Variants in AK8 observed in about 807,000 individuals in gnomAD.
AK8 encodes the protein ATP-AMP transphosphorylase 8.
Under a neutral mutation model 54.6 loss-of-function variants are expected in AK8, and 44 were observed. The ratio of observed to expected loss-of-function variants is 0.81; its 90% CI spans 0.63 to 1.04. The LOEUF (loss-of-function observed/expected upper bound fraction) is 1.04. Among genes scored for constraint, AK8 ranks in the 50% least tolerant of loss-of-function variants. AK8 has a pLI of 0.00. For missense variants in AK8, 555 were observed against 613.6 expected (o/e 0.90, Z 1.01); for synonymous variants, 239 against 245.6 (o/e 0.97, Z 0.25).
intron 5 of AK8, among the ~76,000 whole-genome samples, chr9:132,845,163 G>A (rs755637876): frequency 3.3e-5 from 5 of 152,214 alleles, no homozygotes; most frequent in African/African-American, 7.2e-5. Flanking sequence ...GCAATGTCAT[G>A]TAGCAGATAA....
intron 2 of AK8, among the ~76,000 whole-genome samples, chr9:132,873,467 T>A (rs11243922): frequency 0.16 from 25,010 of 152,252 alleles, 2,345 homozygotes; most frequent in East Asian, 0.36. Context: ...AGGACTGTGC[T>A]GCACTGCACT....
intron 11 of AK8, among the ~76,000 whole-genome samples, chr9:132,744,527 A>T (rs920330661): frequency 2.0e-5 from 3 of 152,166 alleles, no homozygotes; most frequent in Admixed American, 2.0e-4. Context: ...GATAGCAGAA[A>T]TCTCCCATTT....
rs142312962 is a variant in AK8 at position 132,842,125 on chromosome 9, C to G, written c.402+12732G>C. Among the ~76,000 whole-genome samples, 699 of 152,294 alleles carry G rather than the reference C, an allele frequency of 4.6e-3. 6 individuals are homozygous for G. Among genetic ancestry groups the G allele is most frequent in the African/African-American group, 0.015 (630 of 41,556 alleles). ...GCTAGCACACTGGCCAAAACAATCT[C>G]CCCAAAGAAGCCTGAAGACAAGTAT... On this transcript the variant is annotated intron_variant, in intron 5 of 12. Transcript: ENST00000298545.
At chr9:132,840,771 C>T (rs958320483) in intron 5 of AK8, among the ~76,000 whole-genome samples, 2 of 152,012 alleles carry the variant, frequency 1.3e-5, no homozygotes, top group African/African-American at 4.8e-5. Context: ...CACACGCCTG[C>T]AATCCCAGCT....
At position 132,854,753 on chromosome 9, in the gene AK8, C is replaced by A. The variant is rs998602905; in HGVS notation, c.402+104G>T. ...ACGGAGTTCCCGTTTGCCTGCCTTA[C>A]CTTCTCTTATGCCTCTGGTCATCTC... On this transcript the variant is annotated intron_variant, in intron 5 of 12. Coordinates refer to ENST00000298545, the MANE Select transcript of AK8 (RefSeq NM_152572.3). 2.3e-6 allele frequency: 3 copies of A among 1,302,538 alleles called. No homozygotes were observed. In the East Asian group the frequency reaches 7.2e-5, roughly 31 times the overall value. The allele number at this position is 1,302,538 out of a possible 1,614,324, so 80.7% of individuals were successfully genotyped here.
chr9:132,739,895 T>C (rs557994483), intron 11 of AK8, among the ~76,000 whole-genome samples: 2 of 152,308 alleles, frequency 1.3e-5, no homozygotes, highest in South Asian at 2.1e-4. Context: ...TGTTATAAAG[T>C]AGTGGCAGAA....
At chr9:132,787,808 C>T (rs1330160902) in intron 11 of AK8, among the ~76,000 whole-genome samples, 1 of 152,078 alleles carries the variant, frequency 6.6e-6, no homozygotes, top group Non-Finnish European at 1.5e-5. Context: ...CAGTCCACTG[C>T]TTTTAAATCA....
intron 11 of AK8, among the ~76,000 whole-genome samples, chr9:132,773,382 C>T (rs563149050): frequency 6.6e-6 from 1 of 152,188 alleles, no homozygotes; most frequent in Non-Finnish European, 1.5e-5. Flanking sequence ...AAACACACCA[C>T]CCTGTCCTCT....
At chr9:132,878,577 G>A (rs1436527452), upstream of AK8, 1 of 1,122,132 alleles carries the variant, frequency 8.9e-7, no homozygotes, top group Non-Finnish European at 1.1e-6. This position sits in a 1 kb window ranked among gnomAD's most constrained non-coding sequence, Gnocchi z 4.7. Flanking sequence ...GCCCTCCGAG[G>A]GGACGGGAGG....
chr9:132,784,876 T>A (rs1191494492), intron 11 of AK8, among the ~76,000 whole-genome samples: 3 of 152,180 alleles, frequency 2.0e-5, no homozygotes, highest in African/African-American at 7.2e-5. Context: ...GAAATCTTAA[T>A]CCAGTTTTAA....
chr9:132,732,203 A>T (rs773507149), intron 11 of AK8, among the ~76,000 whole-genome samples: 73 of 152,186 alleles, frequency 4.8e-4, no homozygotes, highest in Non-Finnish European at 9.0e-4. Flanking sequence ...TAAATAATTA[A>T]ACAATGTTTT....
At chr9:132,878,455 C>G (rs1465339293), upstream of AK8, 1 of 1,224,096 alleles carries the variant, frequency 8.2e-7, no homozygotes, top group Non-Finnish European at 1.0e-6. This position sits in a 1 kb window ranked among gnomAD's most constrained non-coding sequence, Gnocchi z 4.7. Flanking sequence ...TTTCCCCAAC[C>G]CCGGCCTCGC....
chr9:132,808,621 T>G (rs1588153768), intron 10 of AK8, among the ~76,000 whole-genome samples: 1 of 151,230 alleles, frequency 6.6e-6, no homozygotes, highest in African/African-American at 2.4e-5. Flanking sequence ...AGGCCTGGAG[T>G]GGGGATAAGA....
At chr9:132,736,465 G>C (rs1377535644) in intron 11 of AK8, among the ~76,000 whole-genome samples, 1 of 151,114 alleles carries the variant, frequency 6.6e-6, no homozygotes, top group African/African-American at 2.4e-5. Flanking sequence ...TGGGGTTACA[G>C]GCGTGAGCCA....
At chr9:132,738,980 C>T (rs1373230232) in intron 11 of AK8, among the ~76,000 whole-genome samples, 1 of 151,454 alleles carries the variant, frequency 6.6e-6, no homozygotes, top group African/African-American at 2.4e-5. Flanking sequence ...GTCTTGAATT[C>T]CTGGGCTGAA....
intron 11 of AK8, among the ~76,000 whole-genome samples, chr9:132,772,784 G>A (rs754215090): frequency 9.2e-5 from 14 of 152,028 alleles, no homozygotes; most frequent in Non-Finnish European, 1.8e-4. Flanking sequence ...TCTCTGCAAC[G>A]CCTCTCTCTC....
rs891979177 is a variant in AK8, at chr9:132,781,149, T to C, written c.1121+11485A>G. On this transcript the variant is annotated intron_variant, in intron 11 of 12. Coordinates refer to ENST00000298545, the MANE Select transcript of AK8 (RefSeq NM_152572.3). This position sits in a 1 kb window ranked among gnomAD's most constrained non-coding sequence, Gnocchi z 4.6. ...TTTCTGGATGCAGCCATGAACATAGTTCTTTCTTTGTTTCTTTCTTTCTTT... is the reference window on the plus strand; with the variant it reads ...TTTCTGGATGCAGCCATGAACATAGCTCTTTCTTTGTTTCTTTCTTTCTTT... Among the ~76,000 whole-genome samples, 5 of 150,626 alleles carry C rather than the reference T, an allele frequency of 3.3e-5. No individual in the cohort carries two copies. Among genetic ancestry groups the C allele is most frequent in the Non-Finnish European group, 6.0e-5 (4 of 67,042 alleles).
intron 11 of AK8, among the ~76,000 whole-genome samples, chr9:132,774,880 C>T (rs919314773): frequency 2.0e-5 from 3 of 152,274 alleles, no homozygotes; most frequent in South Asian, 4.1e-4. Context: ...GAACTGTTAC[C>T]GGTTGAGTAC....
chr9:132,754,802 T>G (rs1056010014), intron 11 of AK8, among the ~76,000 whole-genome samples: 2 of 148,802 alleles, frequency 1.3e-5, no homozygotes, highest in Admixed American at 6.7e-5. Context: ...GTTTTTTGGT[T>G]TTTTTTTTTT....
Sources: allele counts gnomAD v4.1 joint callset (sites outside exome capture counted in the v4.1 genomes callset), GRCh38; gene constraint gnomAD v4.1.1; non-coding constraint Gnocchi (gnomAD v3.1); transcripts MANE v1.5; gene names NCBI Gene and HGNC (gene_info 2026-07-23, HGNC 2026-07-21).